LRPPRC: variants seen among roughly 807,000 people sequenced by gnomAD.
The protein encoded by LRPPRC is leucine rich pentatricopeptide repeat containing, also known as leucine-rich PPR motif-containing protein, mitochondrial.
In LRPPRC, 120 loss-of-function variants were observed where a neutral mutation model predicts 180.3. The observed-to-expected ratio is 0.67, with a 90% CI of 0.57 to 0.77. LRPPRC has a LOEUF of 0.77. Ranked by LOEUF, LRPPRC falls within the 30% of genes least tolerant of loss-of-function variation. The pLI is 0.00. For synonymous variants in LRPPRC, 723 were observed against 600.0 expected, an observed-to-expected ratio of 1.21 and a Z score of -3.00; for missense variants, 2,012 against 1,657.2, an observed-to-expected ratio of 1.21 and a Z score of -3.72.
intron 11 of LRPPRC, among the ~76,000 whole-genome samples, chr2:43,968,883 T>G (rs192453668): frequency 1.1e-4 from 16 of 152,310 alleles, no homozygotes; most frequent in African/African-American, 3.8e-4. Context: ...ACCACACTCA[T>G]GCACACAGGC....
At chr2:43,939,635 C>T (rs780870115) in intron 23 of LRPPRC, among the ~76,000 whole-genome samples, 1 of 152,154 alleles carries the variant, frequency 6.6e-6, no homozygotes, top group African/African-American at 2.4e-5. Context: ...TTAAGAGAAC[C>T]AGCACTTGAA....
intron 14 of LRPPRC, among the ~76,000 whole-genome samples, chr2:43,956,478 C>CGTGT (rs56919652): frequency 0.12 from 17,023 of 142,466 alleles, 1,128 homozygotes; most frequent in Middle Eastern, 0.15. Flanking sequence ...AAGAAAAAAA[C>CGTGT]GTGTGTGTGT....
chr2:43,898,978 C>T (rs772553957), intron 34 of LRPPRC, among the ~76,000 whole-genome samples: 4 of 152,174 alleles, frequency 2.6e-5, no homozygotes, highest in South Asian at 2.1e-4. Context: ...CACCACCCGC[C>T]GCTCCCCGCT....
chr2:43,984,175 G>A (rs1254937787), intron 1 of LRPPRC, among the ~76,000 whole-genome samples: 2 of 152,038 alleles, frequency 1.3e-5, no homozygotes, highest in Non-Finnish European at 2.9e-5. Flanking sequence ...CAAGCACAAA[G>A]TGACATTATT....
Position 43,888,673 on chromosome 2 carries a change from AAG to A in LRPPRC, c.4129-19_4129-18del, listed in dbSNP as rs748157189. On this transcript the variant is annotated intron_variant, in intron 37 of 37. Coordinates refer to ENST00000260665, the MANE Select transcript of LRPPRC (RefSeq NM_133259.4). ...AAAGCTTTCCTGTTAAGGAGAAAAA[AAG>A]AGGGAAGTTAGAGATACCAGCAAGA... The A allele has an allele frequency of 3.3e-6, 5 of 1,498,384 alleles. No homozygotes were observed. In the Admixed American group the frequency reaches 6.7e-5, roughly 20 times the overall value. 92.8% of individuals were successfully genotyped at this position (1,498,384 alleles called of 1,614,324 possible).
At chr2:43,966,868 T>C (rs1673584210) in intron 11 of LRPPRC, among the ~76,000 whole-genome samples, 1 of 148,642 alleles carries the variant, frequency 6.7e-6, no homozygotes, top group Admixed American at 6.7e-5. Context: ...CTGGCCAACA[T>C]GGCACAATCC....
At chr2:43,958,951 C>A in intron 13 of LRPPRC, 1 of 370,886 alleles carries the variant, frequency 2.7e-6, no homozygotes, top group Non-Finnish European at 4.8e-6. Flanking sequence ...CTTGAAAATT[C>A]ATTTTTATAC....
intron 14 of LRPPRC, among the ~76,000 whole-genome samples, chr2:43,956,205 GATA>G (rs1390683874): frequency 2.0e-5 from 3 of 151,972 alleles, no homozygotes; most frequent in Non-Finnish European, 4.4e-5. Flanking sequence ...TCTGCATTAA[GATA>G]ATAAAGAGAT....
At position 43,888,751 on chromosome 2, in the gene LRPPRC, A is replaced by T. The variant is rs959148234; in HGVS notation, c.4129-95T>A. ...CATAAAACACTACCAACTGGTAGCT[A>T]AGACTGCCAGGCCCATGGAAGATGC... On this transcript the variant is annotated intron_variant, in intron 37 of 37. Transcript: ENST00000260665. The T allele has an allele frequency of 8.2e-6, 6 of 730,348 alleles. No homozygotes were observed. The African/African-American group carries it at 1.0e-4, about 13-fold the overall frequency. The allele number at this position is 730,348 out of a possible 1,614,324, so 45.2% of individuals were successfully genotyped here. A position where few individuals can be genotyped will look rare whatever the true frequency, so the allele number is the denominator to read the frequency against.
rs922059755 is a variant in LRPPRC, at chr2:43,938,817, C to G, written c.2505-3939G>C. The stretch of plus-strand genomic sequence containing the variant: ...ACTCCTAAAACTCATATACATTCCT[C>G]AATACATATACCTGTAAAAATCATA... On this transcript the variant is annotated intron_variant, in intron 23 of 37. Coordinates refer to ENST00000260665, the MANE Select transcript of LRPPRC (RefSeq NM_133259.4). Among the ~76,000 whole-genome samples the G allele has an allele frequency of 3.3e-5, 5 of 152,166 alleles. No individual in the cohort carries two copies. The East Asian group carries it at 9.6e-4, about 29-fold the overall frequency.
In LRPPRC at chr2:43,943,881, A is replaced by T; in HGVS notation, c.2310T>A (p.Ile770=). ...KHGKLQDAIN[I]LKEMKEKDVL... is the part of the protein sequence containing the mutation. ...CATCCTTCTCTTTCATCTCCTTCAG[A>T]ATGTTAATAGCATCTACAATGAAGT... The change falls in exon 23 of 38, where the codon ATT becomes ATA. Residue 770 remains isoleucine, a synonymous_variant. Transcript: ENST00000260665. 6.2e-7 allele frequency: 1 copy of T among 1,612,090 alleles called. No individual in the cohort carries two copies. The highest frequency in any genetic ancestry group is 8.5e-7 in the Non-Finnish European group (1 of 1,178,266).
At chr2:43,974,387 T>C (rs191422953) in intron 8 of LRPPRC, 92 bp from the exon 9 acceptor site, 2 of 994,744 alleles carry the variant, frequency 2.0e-6, no homozygotes, top group Non-Finnish European at 3.2e-6. Context: ...AAAATAAGAA[T>C]TGCAAACATC....
At chr2:43,947,175 C>A (rs1017020214) in intron 20 of LRPPRC, 82 bp downstream of exon 20, 1 of 670,394 alleles carries the variant, frequency 1.5e-6, no homozygotes, top group Admixed American at 2.7e-5. Flanking sequence ...TTGTAAAAAT[C>A]ATAAATATTA....
chr2:43,889,314 CAAAAA>C (rs780032604), intron 37 of LRPPRC, among the ~76,000 whole-genome samples: 2,394 of 38,026 alleles, frequency 0.063, 9 homozygotes, highest in Non-Finnish European at 0.074. Context: ...GACTCCATCT[CAAAAA>C]AAAAAAAAAA....
At chr2:43,984,463 T>C (rs1210329475) in intron 1 of LRPPRC, among the ~76,000 whole-genome samples, 1 of 152,246 alleles carries the variant, frequency 6.6e-6, no homozygotes, top group Non-Finnish European at 1.5e-5. Context: ...TTTTCTCATA[T>C]ACATGTCTTT....
At chr2:43,965,369 T>C (rs541744226) in intron 11 of LRPPRC, among the ~76,000 whole-genome samples, 1 of 152,148 alleles carries the variant, frequency 6.6e-6, no homozygotes, top group African/African-American at 2.4e-5. Context: ...TGGACCCTTA[T>C]CTTATACAAT....
intron 14 of LRPPRC, among the ~76,000 whole-genome samples, chr2:43,954,540 T>C (rs564253345): frequency 3.9e-5 from 6 of 152,314 alleles, no homozygotes; most frequent in African/African-American, 1.2e-4. Context: ...TAATACAACT[T>C]TTTCTGGAAA....
At chr2:43,973,761 T>C (rs1673923021) in intron 10 of LRPPRC, 34 bp downstream of exon 10, 3 of 1,603,172 alleles carry the variant, frequency 1.9e-6, no homozygotes, top group Non-Finnish European at 2.6e-6. Context: ...CAGCAAAACT[T>C]CCTTACTTGG....
chr2:43,948,238 T>C (rs1672766751), intron 17 of LRPPRC, 39 bp from the exon 18 acceptor site: 1 of 1,149,812 alleles, frequency 8.7e-7, no homozygotes, highest in East Asian at 2.3e-5. Flanking sequence ...AACCTGAGTT[T>C]TAGACAACCA....
Sources: gnomAD v4.1 joint callset for allele counts (sites outside exome capture counted in the v4.1 genomes callset) on GRCh38, gnomAD v4.1.1 for gene constraint, MANE v1.5 for transcripts, NCBI Gene and HGNC (gene_info 2026-07-23, HGNC 2026-07-21) for gene names.